PUM1: variants seen among roughly 807,000 people sequenced by gnomAD.
The protein encoded by PUM1 is pumilio homolog 1.
A neutral mutation model predicts 131.8 loss-of-function variants in PUM1; 13 were observed. That is an observed-to-expected ratio of 0.10 (90% confidence interval 0.06 to 0.16). The LOEUF (loss-of-function observed/expected upper bound fraction) is 0.16, where lower values mean the gene tolerates loss of function less well. Ranked by LOEUF, PUM1 falls within the 10% of genes least tolerant of loss-of-function variation. The pLI is 1.00. For synonymous variants in PUM1, 509 were observed against 556.5 expected, an observed-to-expected ratio of 0.91 and a Z score of 1.20; for missense variants, 961 against 1,512.4, an observed-to-expected ratio of 0.64 and a Z score of 6.05.
intron 3 of PUM1, among the ~76,000 whole-genome samples, chr1:31,022,345 G>A (rs181130066): frequency 1.3e-5 from 2 of 152,296 alleles, no homozygotes; most frequent in African/African-American, 2.4e-5. Context: ...TTGATGAAAG[G>A]GAAGAAATTT....
At chr1:30,960,374 T>C (rs1167327533) in intron 14 of PUM1, among the ~76,000 whole-genome samples, 2 of 152,208 alleles carry the variant, frequency 1.3e-5, no homozygotes, top group Non-Finnish European at 2.9e-5. Context: ...ATTTTTGACT[T>C]GGGATTCTCA....
At chr1:31,047,769 C>A (rs1644004842) in intron 2 of PUM1, among the ~76,000 whole-genome samples, 1 of 152,162 alleles carries the variant, frequency 6.6e-6, no homozygotes, top group East Asian at 1.9e-4. Context: ...CGGTGAAACC[C>A]CATCTCTACT....
chr1:31,058,331 A>G (rs1644292640), intron 2 of PUM1, among the ~76,000 whole-genome samples: 1 of 152,210 alleles, frequency 6.6e-6, no homozygotes, highest in African/African-American at 2.4e-5. Flanking sequence ...CAACAGTAAA[A>G]AAAAGAATCC....
intron 9 of PUM1, among the ~76,000 whole-genome samples, chr1:30,977,518 T>C (rs1382517922): frequency 6.6e-6 from 1 of 152,238 alleles, no homozygotes; most frequent in Non-Finnish European, 1.5e-5. Context: ...TCACATGGCC[T>C]AAGGTTAAAT....
intron 2 of PUM1, among the ~76,000 whole-genome samples, chr1:31,049,240 G>T (rs960989782): frequency 1.3e-5 from 2 of 151,762 alleles, no homozygotes; most frequent in African/African-American, 4.8e-5. Context: ...AATTGGCTGG[G>T]GGCGGTGGCT....
chr1:31,018,409 C>T (rs987270185), intron 3 of PUM1, among the ~76,000 whole-genome samples: 2 of 150,780 alleles, frequency 1.3e-5, no homozygotes, highest in African/African-American at 4.9e-5. Flanking sequence ...CGCCTCTAAT[C>T]CCAGCACTTT....
At chr1:30,990,858 A>G (rs746882409) in intron 7 of PUM1, among the ~76,000 whole-genome samples, 2 of 152,206 alleles carry the variant, frequency 1.3e-5, no homozygotes, top group African/African-American at 4.8e-5. Context: ...ATAACTGCTG[A>G]GATATATGGT....
At chr1:31,050,290 G>C (rs545339082) in intron 2 of PUM1, among the ~76,000 whole-genome samples, 26 of 152,072 alleles carry the variant, frequency 1.7e-4, no homozygotes, top group African/African-American at 6.3e-4. Context: ...TTTAAAACCA[G>C]CCTGGACAAC....
Position 30,964,821 on chromosome 1 carries a change from G to C in PUM1, c.2176C>G (p.Pro726Ala). The change falls in exon 14 of 22, where the codon CCC (proline) becomes GCC (alanine). Residue 726 changes from proline to alanine, a missense_variant. Pro to Ala is a conservative substitution (Grantham distance 27, BLOSUM62 -1). This residue lies in a region of PUM1 where 654 missense variants were observed against 923.9 expected (regional missense o/e 0.71). Transcript: ENST00000426105. ...CCGTTATAAAAACTGTGTCCAATGG[G>C]GGTCAAGCTGCTCGATGTCCTCTTA... ...LYKRTSSSLT[P>A]IGHSFYNGLS... 6.2e-7 allele frequency: 1 copy of C among 1,614,104 alleles called. No homozygotes were observed. Among genetic ancestry groups the C allele is most frequent in the Middle Eastern group, 1.6e-4 (1 of 6,062 alleles).
At chr1:30,953,603 C>G (rs969901117) in intron 15 of PUM1, 111 bp downstream of exon 15, 3 of 1,214,170 alleles carry the variant, frequency 2.5e-6, no homozygotes, top group Admixed American at 4.3e-5. Context: ...AAGAGGCACG[C>G]TTTTAAAAAA....
At position 30,969,316 on chromosome 1, in the gene PUM1, C is replaced by CAAA. The variant is rs763999971; in HGVS notation, c.1507-827_1507-825dup. On this transcript the variant is annotated intron_variant, in intron 10 of 21. Transcript: ENST00000426105. ...AAAACTCCATTTCAAAACACACACA[C>CAAA]AAAAAAAAAAAAAAAAAAAAGAAAA... is the stretch of plus-strand genomic sequence containing the variant. 7.5e-3 allele frequency among the ~76,000 whole-genome samples: 382 copies of CAAA among 50,802 alleles called. 2 individuals carry two copies. Among genetic ancestry groups the CAAA allele is most frequent in the African/African-American group, 0.017 (231 of 13,412 alleles). 33.3% of individuals were successfully genotyped at this position (50,802 alleles called of 152,430 possible).
chr1:31,028,833 A>C lies in PUM1; in HGVS notation c.395T>G (p.Phe132Cys). ...TCTTCCCTCCAGAGCAAGTGCTTGA[A>C]AATCATGATTCAGTTCATCCATGGA... ...VRSMDELNHD[F>C]QALALEGRAM... is the part of the protein sequence containing the mutation. The change falls in exon 3 of 22, where the codon TTT becomes TGT. Residue 132 changes from phenylalanine (F) to cysteine (C), a missense_variant. Phe to Cys is a radical substitution (Grantham distance 205, BLOSUM62 -2). Coordinates refer to ENST00000426105, the MANE Select transcript of PUM1 (RefSeq NM_001020658.2). 1 of 1,614,012 alleles carries C rather than the reference A, an allele frequency of 6.2e-7. No individual in the cohort carries two copies. Among genetic ancestry groups the C allele is most frequent in the Non-Finnish European group, 8.5e-7 (1 of 1,179,910 alleles).
intron 2 of PUM1, among the ~76,000 whole-genome samples, chr1:31,052,700 CTT>C (rs1376812559): frequency 1.2e-4 from 16 of 134,908 alleles, no homozygotes; most frequent in Admixed American, 3.0e-4. Flanking sequence ...TATCCATTAT[CTT>C]TTTTTTTTTT....
intron 2 of PUM1, among the ~76,000 whole-genome samples, chr1:31,046,141 C>T (rs1643955676): frequency 6.6e-6 from 1 of 151,548 alleles, no homozygotes; most frequent in African/African-American, 2.4e-5. Flanking sequence ...AATCCCAGCA[C>T]TTTGGGAGGC....
chr1:31,012,153 C>T (rs1445195616), intron 3 of PUM1, among the ~76,000 whole-genome samples: 1 of 151,960 alleles, frequency 6.6e-6, no homozygotes, highest in Non-Finnish European at 1.5e-5. Flanking sequence ...CTCCTATAGC[C>T]AACCATGCCA....
At chr1:30,984,226 C>G (rs2124473768) in intron 7 of PUM1, among the ~76,000 whole-genome samples, 1 of 152,338 alleles carries the variant, frequency 6.6e-6, no homozygotes, top group East Asian at 1.9e-4. Flanking sequence ...TATACATCTA[C>G]AGCAGACAGA....
At chr1:30,983,485 A>T (rs1223385429) in intron 7 of PUM1, among the ~76,000 whole-genome samples, 2 of 152,218 alleles carry the variant, frequency 1.3e-5, no homozygotes, top group African/African-American at 4.8e-5. Flanking sequence ...GTGCTGTGAC[A>T]TGGAACTGGG....
intron 21 of PUM1, among the ~76,000 whole-genome samples, chr1:30,934,053 G>A (rs79864779): frequency 2.0e-5 from 3 of 151,774 alleles, no homozygotes; most frequent in Non-Finnish European, 3.0e-5. Flanking sequence ...CTCAAGGCAC[G>A]CCCGCCACAC....
In PUM1 at chr1:31,043,839, T is replaced by C. The variant is rs550628636; in HGVS notation, c.364-14975A>G. Among the ~76,000 whole-genome samples, 28 of 152,264 alleles carry C rather than the reference T, an allele frequency of 1.8e-4. 1 individual carries two copies. The South Asian group carries it at 2.3e-3, about 12-fold the overall frequency. On this transcript the variant is annotated intron_variant, in intron 2 of 21. Coordinates refer to ENST00000426105, the MANE Select transcript of PUM1 (RefSeq NM_001020658.2). ...GCTTGGAAAAATTCCAAATCCATAG[T>C]GTAAGTTGTAGATAAACTAATCCTC...
Sources: gnomAD v4.1 joint callset for allele counts (sites outside exome capture counted in the v4.1 genomes callset) on GRCh38, gnomAD v4.1.1 for gene constraint, gnomAD v4.1.1 regional missense constraint, MANE v1.5 for transcripts, NCBI Gene and HGNC (gene_info 2026-07-23, HGNC 2026-07-21) for gene names.